PTPRD: variants seen among roughly 807,000 people sequenced by gnomAD.
PTPRD encodes the protein protein tyrosine phosphatase receptor type D.
A neutral mutation model predicts 214.5 loss-of-function variants in PTPRD; 34 were observed. The observed-to-expected ratio is 0.16, with a 90% confidence interval of 0.12 to 0.21. PTPRD has a LOEUF of 0.21. Ranked by LOEUF, PTPRD falls within the 10% of genes least tolerant of loss-of-function variation. The pLI is 1.00. For synonymous variants in PTPRD, 1,128 were observed against 845.7 expected, an observed-to-expected ratio of 1.33 and a Z score of -5.79; for missense variants, 2,545 against 2,398.7, an observed-to-expected ratio of 1.06 and a Z score of -1.27.
At chr9:9,531,719 A>G (rs940926549) in intron 8 of PTPRD, among the ~76,000 whole-genome samples, 1 of 152,098 alleles carries the variant, frequency 6.6e-6, no homozygotes, top group South Asian at 2.1e-4. Flanking sequence ...TAGTGCTGCA[A>G]TGAATATTTG....
At chr9:9,659,429 G>A (rs1447967508) in intron 7 of PTPRD, among the ~76,000 whole-genome samples, 1 of 151,968 alleles carries the variant, frequency 6.6e-6, no homozygotes, top group Non-Finnish European at 1.5e-5. Context: ...ATTAACCTTT[G>A]TTGCTTATTA....
intron 12 of PTPRD, among the ~76,000 whole-genome samples, chr9:8,714,360 C>A (rs551932550): frequency 1.8e-4 from 27 of 152,064 alleles, no homozygotes; most frequent in African/African-American, 6.3e-4. Context: ...CTTTATTCTG[C>A]CCTTTGCAGA....
At chr9:9,966,048 G>A (rs1390178538) in intron 4 of PTPRD, among the ~76,000 whole-genome samples, 1 of 152,106 alleles carries the variant, frequency 6.6e-6, no homozygotes, top group Non-Finnish European at 1.5e-5. Flanking sequence ...GGACTGCATA[G>A]AAGCATGCTG....
chr9:9,287,715 A>G (rs1569567079), intron 9 of PTPRD, among the ~76,000 whole-genome samples: 1 of 151,950 alleles, frequency 6.6e-6, no homozygotes, highest in African/African-American at 2.4e-5. Context: ...CTTTTGAAAC[A>G]TATCAGTTGA....
intron 3 of PTPRD, among the ~76,000 whole-genome samples, chr9:10,216,158 T>C (rs917789092): frequency 2.0e-5 from 3 of 152,016 alleles, no homozygotes; most frequent in Admixed American, 1.3e-4. Flanking sequence ...CTAAGTTGAT[T>C]TGAATTATTT....
chr9:9,864,960 T>C (rs970219549), intron 5 of PTPRD, among the ~76,000 whole-genome samples: 3 of 152,178 alleles, frequency 2.0e-5, no homozygotes, highest in Non-Finnish European at 4.4e-5. Flanking sequence ...TCTGATATTA[T>C]GGTGTATATT....
chr9:10,016,399 A>G (rs1381382095), intron 4 of PTPRD, among the ~76,000 whole-genome samples: 1 of 150,476 alleles, frequency 6.6e-6, no homozygotes, highest in East Asian at 1.9e-4. Context: ...ATAGATAGAC[A>G]GATAGATAGG....
chr9:8,437,168 A>G, intron 34 of PTPRD: 1 of 1,480,264 alleles, frequency 6.8e-7, no homozygotes, highest in African/African-American at 1.4e-5. Context: ...TAAACATAAA[A>G]TGACTTATGC....
intron 11 of PTPRD, among the ~76,000 whole-genome samples, chr9:8,734,944 G>A (rs2089788845): frequency 6.6e-6 from 1 of 152,082 alleles, no homozygotes; most frequent in Admixed American, 6.6e-5. Context: ...TCTATGCAAA[G>A]GCAGGGCAGT....
intron 11 of PTPRD, among the ~76,000 whole-genome samples, chr9:8,827,578 G>A (rs949699959): frequency 1.7e-4 from 26 of 152,286 alleles, no homozygotes; most frequent in Middle Eastern, 3.4e-3. Context: ...CCACACTCCA[G>A]CCTGGGCAAT....
At chr9:8,577,125 A>T (rs1163427384) in intron 14 of PTPRD, among the ~76,000 whole-genome samples, 1 of 152,100 alleles carries the variant, frequency 6.6e-6, no homozygotes, top group Non-Finnish European at 1.5e-5. Flanking sequence ...CACTCTCCCC[A>T]CCATGACCTG....
At chr9:9,766,401 C>G (rs1353793129) in intron 6 of PTPRD, among the ~76,000 whole-genome samples, 1 of 152,030 alleles carries the variant, frequency 6.6e-6, no homozygotes, top group Admixed American at 6.6e-5. Flanking sequence ...AAATGTATTT[C>G]TCTATTTGTT....
At chr9:9,497,739 T>C (rs2096253276) in intron 8 of PTPRD, among the ~76,000 whole-genome samples, 1 of 152,090 alleles carries the variant, frequency 6.6e-6, no homozygotes, top group Non-Finnish European at 1.5e-5. Context: ...TGTAGCACAG[T>C]ACAAGTCACA....
At chr9:8,420,580 T>C (rs2094286871) in intron 35 of PTPRD, among the ~76,000 whole-genome samples, 1 of 152,092 alleles carries the variant, frequency 6.6e-6, no homozygotes, top group African/African-American at 2.4e-5. Context: ...ACAAAACGAT[T>C]ATATCCCTTT....
At chr9:9,981,303 G>T (rs563533332) in intron 4 of PTPRD, among the ~76,000 whole-genome samples, 1 of 151,244 alleles carries the variant, frequency 6.6e-6, no homozygotes, top group African/African-American at 2.4e-5. Flanking sequence ...TGAACAACAT[G>T]TATGGCCAAT....
intron 12 of PTPRD, among the ~76,000 whole-genome samples, chr9:8,682,834 T>C (rs1330806180): frequency 1.3e-5 from 2 of 152,262 alleles, no homozygotes; most frequent in Admixed American, 6.5e-5. Flanking sequence ...GCTCTTCTAA[T>C]GTAGGCCTAT....
At chr9:8,656,291 A>G (rs79281655) in intron 12 of PTPRD, among the ~76,000 whole-genome samples, 4,916 of 152,254 alleles carry the variant, frequency 0.032, 286 homozygotes, top group African/African-American at 0.11. Flanking sequence ...GTATTTGTTA[A>G]GACTATTCCA....
chr9:9,144,073 G>A (rs111847806), intron 10 of PTPRD, among the ~76,000 whole-genome samples: 2 of 152,246 alleles, frequency 1.3e-5, no homozygotes, highest in African/African-American at 4.8e-5. Context: ...TCTGATAAAC[G>A]AATGGATGGA....
intron 3 of PTPRD, among the ~76,000 whole-genome samples, chr9:10,047,962 C>T (rs1486432572): frequency 6.6e-6 from 1 of 152,182 alleles, no homozygotes; most frequent in Non-Finnish European, 1.5e-5. Flanking sequence ...ACCAAATAAT[C>T]CTCATTTCTG....
Sources: allele counts gnomAD v4.1 joint callset (sites outside exome capture counted in the v4.1 genomes callset), GRCh38; gene constraint gnomAD v4.1.1; transcripts MANE v1.5; gene names NCBI Gene and HGNC (gene_info 2026-07-23, HGNC 2026-07-21).